ERC2: variants seen among roughly 807,000 people sequenced by gnomAD.
The protein encoded by ERC2 is ERC protein 2.
A neutral mutation model predicts 114.8 loss-of-function variants in ERC2; 42 were observed. The observed-to-expected ratio is 0.37, with a 90% CI of 0.29 to 0.47. The LOEUF is 0.47. Among genes scored for constraint, ERC2 ranks in the 20% least tolerant of loss-of-function variants. ERC2 has a pLI of 0.99. For synonymous variants in ERC2, 454 were observed against 425.5 expected (o/e 1.07, Z -0.82); for missense variants, 939 against 1,150.7 (o/e 0.82, Z 2.66).
chr3:55,950,648 GCT>G, intron 12 of ERC2, 88 bp from the exon 13 acceptor site: 1 of 1,419,312 alleles, frequency 7.0e-7, no homozygotes, highest in Non-Finnish European at 9.8e-7. Flanking sequence ...CTAAGTATAG[GCT>G]ATCTGGATAA....
chr3:55,826,291 A>G (rs1327772798), intron 14 of ERC2, among the ~76,000 whole-genome samples: 1 of 152,172 alleles, frequency 6.6e-6, no homozygotes, highest in African/African-American at 2.4e-5. Context: ...CCTCAAAATG[A>G]CTGTGAATGC....
intron 14 of ERC2, among the ~76,000 whole-genome samples, chr3:55,848,818 G>A (rs1018394250): frequency 5.3e-5 from 8 of 151,974 alleles, no homozygotes; most frequent in Non-Finnish European, 1.2e-4. Flanking sequence ...TTTGTTTGGG[G>A]AAACAAAACA....
At chr3:56,283,461 T>C (rs1215605641) in intron 3 of ERC2, among the ~76,000 whole-genome samples, 1 of 152,048 alleles carries the variant, frequency 6.6e-6, no homozygotes, top group African/African-American at 2.4e-5. Context: ...TAAGACCCCA[T>C]CTAAAAAATA....
At chr3:55,552,313 A>G (rs1426111542) in intron 17 of ERC2, among the ~76,000 whole-genome samples, 2 of 152,298 alleles carry the variant, frequency 1.3e-5, no homozygotes, top group African/African-American at 4.8e-5. Flanking sequence ...CCACTCCAGC[A>G]AAGCGCTCTC....
At chr3:55,960,160 T>C (rs139729940) in intron 12 of ERC2, among the ~76,000 whole-genome samples, 89 of 152,280 alleles carry the variant, frequency 5.8e-4, no homozygotes, top group African/African-American at 7.5e-4. Context: ...AACAGCAAGA[T>C]TGGGTGTTTC....
intron 17 of ERC2, among the ~76,000 whole-genome samples, chr3:55,676,441 C>CTTATTATTATTA (rs71619901): frequency 0.033 from 4,700 of 142,124 alleles, 77 homozygotes; most frequent in Non-Finnish European, 0.038. Flanking sequence ...TACTGAGCTG[C>CTTATTATTATTA]TTATTATTAT....
At chr3:56,402,428 T>C (rs1162252133) in intron 2 of ERC2, among the ~76,000 whole-genome samples, 18 of 152,142 alleles carry the variant, frequency 1.2e-4, no homozygotes, top group Admixed American at 1.2e-3. Context: ...CTTTCATCTC[T>C]TCCCTGTTTC....
At chr3:55,751,018 T>C (rs2066669488) in intron 14 of ERC2, among the ~76,000 whole-genome samples, 1 of 152,206 alleles carries the variant, frequency 6.6e-6, no homozygotes, top group Non-Finnish European at 1.5e-5. Flanking sequence ...CAAGCATATG[T>C]TGTTGGCAAA....
chr3:56,295,190 A>G (rs1289146367), intron 3 of ERC2, among the ~76,000 whole-genome samples: 2 of 152,248 alleles, frequency 1.3e-5, no homozygotes, highest in Non-Finnish European at 2.9e-5. Context: ...GTTTGAAAAC[A>G]TATTTAATGC....
intron 6 of ERC2, among the ~76,000 whole-genome samples, chr3:56,133,909 TG>T (rs2080347899): frequency 6.6e-6 from 1 of 152,192 alleles, no homozygotes; most frequent in Non-Finnish European, 1.5e-5. Context: ...GGACACATTG[TG>T]GGAAGGGTCT....
intron 17 of ERC2, among the ~76,000 whole-genome samples, chr3:55,652,013 C>T (rs1053499959): frequency 1.3e-5 from 2 of 152,210 alleles, no homozygotes; most frequent in Non-Finnish European, 2.9e-5. Flanking sequence ...TCTTCCCAAT[C>T]CCTATCAAGA....
intron 15 of ERC2, among the ~76,000 whole-genome samples, chr3:55,733,422 T>C (rs2065387148): frequency 6.6e-6 from 1 of 151,136 alleles, no homozygotes; most frequent in Non-Finnish European, 1.5e-5. Flanking sequence ...TCTCTTTCTC[T>C]CTCTCTCTCT....
chr3:55,823,868 A>T (rs2060224396), intron 14 of ERC2, among the ~76,000 whole-genome samples: 1 of 152,142 alleles, frequency 6.6e-6, no homozygotes, highest in Non-Finnish European at 1.5e-5. Flanking sequence ...CCATAACAAG[A>T]TACCACAGAC....
intron 17 of ERC2, among the ~76,000 whole-genome samples, chr3:55,517,441 C>T (rs614085): frequency 0.56 from 74,865 of 132,592 alleles, 23,031 homozygotes; most frequent in African/African-American, 0.85. Flanking sequence ...AGTAAGACTC[C>T]GTCTCAAAAA....
chr3:55,606,036 A>G (rs573388374), intron 17 of ERC2, among the ~76,000 whole-genome samples: 6 of 152,312 alleles, frequency 3.9e-5, no homozygotes, highest in Admixed American at 1.3e-4. Context: ...AAGAAGCATA[A>G]GGCCAATGCC....
intron 13 of ERC2, among the ~76,000 whole-genome samples, chr3:55,899,706 T>C (rs965572477): frequency 6.6e-6 from 1 of 152,174 alleles, no homozygotes; most frequent in Non-Finnish European, 1.5e-5. Context: ...ATCTCAACTA[T>C]GTGTTGGGAT....
At chr3:55,806,698 T>G (rs1324089854) in intron 14 of ERC2, among the ~76,000 whole-genome samples, 3 of 152,068 alleles carry the variant, frequency 2.0e-5, no homozygotes, top group Admixed American at 6.5e-5. Context: ...AACAAAGAAT[T>G]GTCCAGCCCA....
chr3:56,024,918 T>C (rs1360379962), intron 7 of ERC2, among the ~76,000 whole-genome samples: 2 of 152,166 alleles, frequency 1.3e-5, no homozygotes, highest in Admixed American at 1.3e-4. Context: ...AAATCATAAG[T>C]GTGTATACAG....
chr3:55,996,055 C>T (rs540831725), intron 10 of ERC2, among the ~76,000 whole-genome samples: 1 of 152,220 alleles, frequency 6.6e-6, no homozygotes, highest in East Asian at 1.9e-4. Flanking sequence ...GACACTACAG[C>T]GAAAAAAGCA....
Sources: gnomAD v4.1 joint callset for allele counts (sites outside exome capture counted in the v4.1 genomes callset) on GRCh38, gnomAD v4.1.1 for gene constraint, MANE v1.5 for transcripts, NCBI Gene and HGNC (gene_info 2026-07-23, HGNC 2026-07-21) for gene names.